Variants in KALRN observed in about 807,000 individuals in gnomAD.
KALRN encodes kalirin RhoGEF kinase.
Under a neutral mutation model 353.7 loss-of-function variants are expected in KALRN, and 70 were observed. The ratio of observed to expected loss-of-function variants is 0.20; its 90% CI spans 0.16 to 0.24. The LOEUF (loss-of-function observed/expected upper bound fraction) is 0.24, where lower values mean the gene tolerates loss of function less well. Among genes scored for constraint, KALRN ranks in the 10% least tolerant of loss-of-function variants. KALRN has a pLI of 1.00. For synonymous variants in KALRN, 1,391 were observed against 1,434.8 expected (o/e 0.97, Z 0.69); for missense variants, 2,791 against 3,756.7 (o/e 0.74, Z 6.72).
intron 10 of KALRN, among the ~76,000 whole-genome samples, chr3:124,350,400 T>C (rs942497634): frequency 3.3e-5 from 5 of 152,328 alleles, no homozygotes; most frequent in African/African-American, 1.2e-4. Context: ...GTATTTGCCT[T>C]GTTTTATAGA....
chr3:124,277,926 G>A (rs901826072), intron 5 of KALRN, among the ~76,000 whole-genome samples: 8 of 152,076 alleles, frequency 5.3e-5, no homozygotes, highest in Non-Finnish European at 1.0e-4. Context: ...CAGAATCTGG[G>A]CTGTCACACT....
intron 51 of KALRN, among the ~76,000 whole-genome samples, chr3:124,681,230 C>T (rs1401716950): frequency 6.6e-6 from 1 of 152,102 alleles, no homozygotes; most frequent in Non-Finnish European, 1.5e-5. Flanking sequence ...CTGGGGTCAT[C>T]GAATGCCCCA....
At chr3:124,060,679 CA>C in intron 1 of KALRN, among the ~76,000 whole-genome samples, 1 of 152,352 alleles carries the variant, frequency 6.6e-6, no homozygotes, top group Admixed American at 6.5e-5. Context: ...AAGGATATTG[CA>C]AGCACAGGGA....
intron 38 of KALRN, among the ~76,000 whole-genome samples, chr3:124,654,560 A>T (rs1254805161): frequency 1.3e-5 from 2 of 152,148 alleles, no homozygotes; most frequent in Non-Finnish European, 2.9e-5. Flanking sequence ...GTTGCACAGC[A>T]CCACCCTGCC....
At chr3:124,656,952 C>A (rs11707114) in intron 39 of KALRN, among the ~76,000 whole-genome samples, 1 of 151,854 alleles carries the variant, frequency 6.6e-6, no homozygotes, top group Non-Finnish European at 1.5e-5. Flanking sequence ...ATCAGTGGTG[C>A]GATTATGGAC....
chr3:124,509,894 G>T (rs1254778633), intron 33 of KALRN, among the ~76,000 whole-genome samples: 1 of 152,082 alleles, frequency 6.6e-6, no homozygotes, highest in South Asian at 2.1e-4. Flanking sequence ...CAACCCAAAG[G>T]ATATTAGAAG....
At chr3:124,663,529 T>G (rs1453940902) in intron 45 of KALRN, among the ~76,000 whole-genome samples, 1 of 152,184 alleles carries the variant, frequency 6.6e-6, no homozygotes, top group Non-Finnish European at 1.5e-5. Flanking sequence ...CCAAACCTAA[T>G]AAATTAACCA....
intron 33 of KALRN, among the ~76,000 whole-genome samples, chr3:124,536,699 C>T (rs1004303930): frequency 2.0e-5 from 3 of 152,128 alleles, no homozygotes; most frequent in South Asian, 4.1e-4. Flanking sequence ...CATAAAGAAG[C>T]GTTGTATTTT....
At chr3:124,272,531 C>T (rs1055035963) in intron 5 of KALRN, among the ~76,000 whole-genome samples, 1 of 151,900 alleles carries the variant, frequency 6.6e-6, no homozygotes, top group East Asian at 1.9e-4. Context: ...GTGCTCATAC[C>T]TTAAAAAGGA....
intron 38 of KALRN, among the ~76,000 whole-genome samples, chr3:124,655,323 A>G (rs1332416777): frequency 1.3e-5 from 2 of 152,170 alleles, no homozygotes; most frequent in African/African-American, 4.8e-5. Flanking sequence ...GGAGAAACAC[A>G]TGAAGAATAG....
chr3:124,610,858 AAAG>A, intron 34 of KALRN, among the ~76,000 whole-genome samples: 1 of 152,178 alleles, frequency 6.6e-6, no homozygotes, highest in African/African-American at 2.4e-5. Flanking sequence ...AAAAAAAAGA[AAAG>A]AAAAGAAGAA....
At position 124,353,131 on chromosome 3, in the gene KALRN, T is replaced by C. The variant is rs552018294; in HGVS notation, c.1770+5866T>C. 9.2e-5 allele frequency among the ~76,000 whole-genome samples: 14 copies of C among 152,216 alleles called. No individual in the cohort carries two copies. In the South Asian group the frequency reaches 2.9e-3, roughly 32 times the overall value. ...GTTCTGAACTCTGTAGGCAACTGCA[T>C]TGTGCTATCTTGATACTTTGTTGAC... On this transcript the variant is annotated intron_variant, in intron 10 of 59. Transcript: ENST00000682506.
At chr3:124,645,105 G>T (rs1299165395) in intron 37 of KALRN, among the ~76,000 whole-genome samples, 2 of 152,130 alleles carry the variant, frequency 1.3e-5, no homozygotes, top group African/African-American at 4.8e-5. Flanking sequence ...TCATGTGTCT[G>T]TTGGCTGCAT....
At chr3:124,246,227 C>T (rs1437526384) in intron 3 of KALRN, among the ~76,000 whole-genome samples, 1 of 152,246 alleles carries the variant, frequency 6.6e-6, no homozygotes. Flanking sequence ...ATTGCCCAGG[C>T]ACCATTGTGC....
chr3:124,053,844 T>G (rs527635914), intron 1 of KALRN, among the ~76,000 whole-genome samples: 9 of 152,356 alleles, frequency 5.9e-5, no homozygotes, highest in African/African-American at 2.2e-4. Flanking sequence ...AGCAGAAGTG[T>G]TCCCTTTAAG....
Position 124,456,687 on chromosome 3 carries a change from C to T in KALRN, c.3813C>T (p.His1271=), listed in dbSNP as rs1424372464. ...AGGTCAAGCTGCGGGACGCCAACCA[C>T]GAAGTCAATGAAGAGAAGCGGAAGT... The part of the protein sequence containing the change: ...DREVKLRDAN[H]EVNEEKRKSA... The change falls in exon 23 of 60, where the codon CAC becomes CAT. Residue 1271 remains histidine, a synonymous_variant. Coordinates refer to ENST00000682506, the MANE Select transcript of KALRN (RefSeq NM_001388419.1). 4.3e-6 allele frequency: 7 copies of T among 1,613,092 alleles called. No homozygotes were observed. Among genetic ancestry groups the T allele is most frequent in the African/African-American group, 2.7e-5 (2 of 74,874 alleles).
intron 30 of KALRN, 83 bp downstream of exon 30, chr3:124,490,967 C>T (rs1414596604): frequency 1.6e-6 from 2 of 1,274,968 alleles, no homozygotes; most frequent in Non-Finnish European, 2.2e-6. Flanking sequence ...ACACTCATCT[C>T]ATCTCCTCCC....
At chr3:124,151,575 C>CT (rs2068111431) in intron 1 of KALRN, among the ~76,000 whole-genome samples, 1 of 152,046 alleles carries the variant, frequency 6.6e-6, no homozygotes, top group South Asian at 2.1e-4. Context: ...TGTAAGAGTT[C>CT]TTTATGCATT....
intron 5 of KALRN, among the ~76,000 whole-genome samples, chr3:124,296,345 G>A (rs1580644511): frequency 1.3e-5 from 2 of 152,130 alleles, no homozygotes; most frequent in East Asian, 1.9e-4. Context: ...GGACTCAGGT[G>A]CCATGCCAGA....
Sources: allele counts gnomAD v4.1 joint callset (sites outside exome capture counted in the v4.1 genomes callset), GRCh38; gene constraint gnomAD v4.1.1; transcripts MANE v1.5; gene names NCBI Gene and HGNC (gene_info 2026-07-23, HGNC 2026-07-21).